The following MEGF11 variants were observed in gnomAD, a reference collection of about 807,000 sequenced individuals.
The protein encoded by MEGF11 is multiple epidermal growth factor-like domains protein 11.
MEGF11 carries 126 observed loss-of-function variants against 146.6 expected under a neutral mutation model. The ratio of observed to expected loss-of-function variants is 0.86; its 90% CI spans 0.74 to 1.00. The LOEUF (loss-of-function observed/expected upper bound fraction) is 1.00, where lower values mean the gene tolerates loss of function less well. MEGF11 is among the 50% of genes least tolerant of loss of function. MEGF11 has a pLI of 0.00. For synonymous variants in MEGF11, 532 were observed against 583.4 expected (o/e 0.91, Z 1.27); for missense variants, 1,509 against 1,521.2 (o/e 0.99, Z 0.13).
intron 1 of MEGF11, among the ~76,000 whole-genome samples, chr15:66,144,648 G>A (rs979340753): frequency 6.6e-6 from 1 of 152,124 alleles, no homozygotes; most frequent in Non-Finnish European, 1.5e-5. Flanking sequence ...ACAGCAACAG[G>A]CACAGGGCAG....
intron 3 of MEGF11, among the ~76,000 whole-genome samples, chr15:66,121,467 C>T (rs568140881): frequency 7.9e-5 from 12 of 152,304 alleles, no homozygotes; most frequent in African/African-American, 2.9e-4. Context: ...GGGAAATATA[C>T]AAAACAACTA....
chr15:65,935,102 C>A (rs1402167701), intron 10 of MEGF11, among the ~76,000 whole-genome samples: 1 of 151,880 alleles, frequency 6.6e-6, no homozygotes, highest in Non-Finnish European at 1.5e-5. Flanking sequence ...AGGCGGATCA[C>A]GATGTCAGGA....
At position 66,048,671 on chromosome 15, in the gene MEGF11, G is replaced by T. The variant is rs1160014109; in HGVS notation, c.394+45731C>A. On this transcript the variant is annotated intron_variant, in intron 5 of 25. Coordinates refer to ENST00000395614, the MANE Select transcript of MEGF11 (RefSeq NM_001385028.1). ...GTAGACTGAACCTCCTGCCCACCTT[G>T]CCACGCTGGTGGGTGGCAAAAAGGG... Among the ~76,000 whole-genome samples, 3 of 152,218 alleles carry T rather than the reference G, an allele frequency of 2.0e-5. No individual in the cohort carries two copies. In the East Asian group the frequency reaches 5.8e-4, roughly 29 times the overall value.
chr15:66,227,937 T>C (rs1351855305), intron 1 of MEGF11, among the ~76,000 whole-genome samples: 1 of 152,024 alleles, frequency 6.6e-6, no homozygotes, highest in East Asian at 1.9e-4. Flanking sequence ...CCCACTCCAA[T>C]GACACATGCC....
chr15:66,200,585 A>G (rs1007621045), intron 1 of MEGF11, among the ~76,000 whole-genome samples: 1 of 152,174 alleles, frequency 6.6e-6, no homozygotes, highest in Non-Finnish European at 1.5e-5. Flanking sequence ...GGGAGGTGAC[A>G]GGAATGACAG....
chr15:66,154,101 A>AT (rs889860580), intron 1 of MEGF11, among the ~76,000 whole-genome samples: 189 of 152,230 alleles, frequency 1.2e-3, no homozygotes, highest in African/African-American at 4.3e-3. Flanking sequence ...AACAAAAAAA[A>AT]CCCTTCTCTG....
At chr15:66,057,301 C>T (rs942939094) in intron 5 of MEGF11, among the ~76,000 whole-genome samples, 4 of 152,110 alleles carry the variant, frequency 2.6e-5, no homozygotes, top group East Asian at 1.9e-4. Flanking sequence ...CCCTGAGCAG[C>T]GCTTGAAGGG....
chr15:66,222,556 G>T (rs1161347005), intron 1 of MEGF11, among the ~76,000 whole-genome samples: 1 of 152,176 alleles, frequency 6.6e-6, no homozygotes, highest in Non-Finnish European at 1.5e-5. Flanking sequence ...GGAGCTATAA[G>T]CTTCCCAAGG....
chr15:65,934,544 C>T (rs1275908726), intron 10 of MEGF11, among the ~76,000 whole-genome samples: 2 of 152,198 alleles, frequency 1.3e-5, no homozygotes, highest in African/African-American at 4.8e-5. Flanking sequence ...AGCCACTGCA[C>T]CTGGCCAAAA....
chr15:65,968,567 C>CT lies in MEGF11; in HGVS notation c.899+1985dup, dbSNP rs917215311. Among the ~76,000 whole-genome samples, 146 of 150,132 alleles carry CT rather than the reference C, an allele frequency of 9.7e-4. 1 individual carries two copies. Among genetic ancestry groups the CT allele is most frequent in the African/African-American group, 3.1e-3 (126 of 40,930 alleles). ...CCTAATTCATTTACTTAATCAGCCTCTTTTTTTTTTCCCTACTCACAATTT... is the reference window on the plus strand; with the variant it reads ...CCTAATTCATTTACTTAATCAGCCTCTTTTTTTTTTTCCCTACTCACAATTT... On this transcript the variant is annotated intron_variant, in intron 8 of 25. Coordinates refer to ENST00000395614, the MANE Select transcript of MEGF11 (RefSeq NM_001385028.1).
intron 1 of MEGF11, among the ~76,000 whole-genome samples, chr15:66,216,698 T>C (rs528059847): frequency 6.6e-6 from 1 of 152,292 alleles, no homozygotes; most frequent in South Asian, 2.1e-4. Context: ...AAATCTGGGC[T>C]AGATTTTCTA....
chr15:66,216,184 G>A (rs1407485352), intron 1 of MEGF11, among the ~76,000 whole-genome samples: 1 of 152,220 alleles, frequency 6.6e-6, no homozygotes, highest in Non-Finnish European at 1.5e-5. Flanking sequence ...CATTGATGCT[G>A]AGGCAAAGGT....
intron 1 of MEGF11, among the ~76,000 whole-genome samples, chr15:66,172,880 A>C (rs992685787): frequency 6.6e-6 from 1 of 152,150 alleles, no homozygotes; most frequent in Non-Finnish European, 1.5e-5. Flanking sequence ...CCAAAACTCC[A>C]GTCTTTTGAC....
chr15:66,027,110 C>A (rs978723265), intron 5 of MEGF11, among the ~76,000 whole-genome samples: 1 of 152,128 alleles, frequency 6.6e-6, no homozygotes, highest in Non-Finnish European at 1.5e-5. Flanking sequence ...CTGTGGAGAC[C>A]CTTCTGGGCC....
chr15:65,965,602 T>TTCTTTC (rs143389411), intron 8 of MEGF11, among the ~76,000 whole-genome samples: 6 of 32,200 alleles, frequency 1.9e-4, no homozygotes, highest in Non-Finnish European at 2.9e-4. Context: ...CTTTCTTTCT[T>TTCTTTC]TTTTTTTTTT....
intron 5 of MEGF11, among the ~76,000 whole-genome samples, chr15:65,986,974 C>A (rs1361946646): frequency 2.6e-5 from 4 of 151,312 alleles, no homozygotes; most frequent in Non-Finnish European, 5.9e-5. Flanking sequence ...TGTCTCTGGG[C>A]AGCTACTGGG....
Position 65,972,669 on chromosome 15 carries a change from GA to G in MEGF11, c.763-1981del, listed in dbSNP as rs755213788. Among the ~76,000 whole-genome samples, 12 of 152,066 alleles carry G rather than the reference GA, an allele frequency of 7.9e-5. No individual in the cohort carries two copies. In the East Asian group the frequency reaches 2.3e-3, roughly 29 times the overall value. On this transcript the variant is annotated intron_variant, in intron 7 of 25. Transcript: ENST00000395614. ...GGAGCAATGCCTTAAAAATCCAGAG[GA>G]AAAAAATAATTTCCAACTTAGAATT...
chr15:66,217,839 C>T (rs977405473), intron 1 of MEGF11, among the ~76,000 whole-genome samples: 1 of 152,214 alleles, frequency 6.6e-6, no homozygotes, highest in Non-Finnish European at 1.5e-5. Context: ...ATCCAGAAAG[C>T]TGAGGCCCCA....
rs2078816118 is a variant in MEGF11, at chr15:65,911,757, G to A, written c.2829+325C>T. On this transcript the variant is annotated intron_variant, in intron 21 of 25. Transcript: ENST00000395614. ...GATTACGTGTTGACATGTGGCAAAAGTGTCTACATGATTATAGGTGATAAA... is the reference window on the plus strand; with the variant it reads ...GATTACGTGTTGACATGTGGCAAAAATGTCTACATGATTATAGGTGATAAA... 2.0e-5 allele frequency among the ~76,000 whole-genome samples: 3 copies of A among 152,336 alleles called. No individual in the cohort carries two copies. The South Asian group carries it at 6.2e-4, about 32-fold the overall frequency.
Sources: gnomAD v4.1 joint callset for allele counts (sites outside exome capture counted in the v4.1 genomes callset) on GRCh38, gnomAD v4.1.1 for gene constraint, MANE v1.5 for transcripts, NCBI Gene and HGNC (gene_info 2026-07-23, HGNC 2026-07-21) for gene names.